Variants in LUZP1 observed in about 807,000 individuals in gnomAD.
The protein encoded by LUZP1 is leucine zipper protein 1.
A neutral mutation model predicts 71.3 loss-of-function variants in LUZP1; 25 were observed. The observed-to-expected ratio is 0.35, with a 90% confidence interval of 0.26 to 0.49. LUZP1 has a LOEUF of 0.49. Ranked by LOEUF, LUZP1 falls within the 20% of genes least tolerant of loss-of-function variation. LUZP1 has a pLI of 0.99. For synonymous variants in LUZP1, 481 were observed against 506.4 expected, an observed-to-expected ratio of 0.95 and a Z score of 0.67; for missense variants, 1,142 against 1,300.8, an observed-to-expected ratio of 0.88 and a Z score of 1.88.
At chr1:23,164,387 C>G (rs1388572374) in intron 2 of LUZP1, among the ~76,000 whole-genome samples, 1 of 151,524 alleles carries the variant, frequency 6.6e-6, no homozygotes, top group Non-Finnish European at 1.5e-5. Context: ...CCCAGCTACT[C>G]GGGAGGCTGA....
chr1:23,090,795 G>A, intron 4 of LUZP1: 1 of 708,720 alleles, frequency 1.4e-6, no homozygotes, highest in Non-Finnish European at 2.6e-6. Flanking sequence ...CTACAGAAAG[G>A]GCACCGGGCC....
At chr1:23,084,299 C>CATT (rs1643723758) in exon 5 of LUZP1, 1 of 152,194 alleles carries the variant, frequency 6.6e-6, no homozygotes, top group Non-Finnish European at 1.5e-5. Flanking sequence ...AGGATCAGTT[C>CATT]ATTTCCTTGC....
chr1:23,142,694 T>TACAC, intron 2 of LUZP1, among the ~76,000 whole-genome samples: 1 of 85,796 alleles, frequency 1.2e-5, no homozygotes, highest in African/African-American at 6.0e-5. Flanking sequence ...AAAATATATA[T>TACAC]ATATATACAC....
At chr1:23,103,401 A>T (rs940177999) in intron 3 of LUZP1, among the ~76,000 whole-genome samples, 1 of 152,170 alleles carries the variant, frequency 6.6e-6, no homozygotes, top group African/African-American at 2.4e-5. Flanking sequence ...TATTTTGGAT[A>T]CGCAAACTCA....
intron 2 of LUZP1, among the ~76,000 whole-genome samples, chr1:23,118,305 C>T (rs897400782): frequency 6.8e-6 from 1 of 146,342 alleles, no homozygotes; most frequent in African/African-American, 2.5e-5. Flanking sequence ...GCTGAGGCAA[C>T]GAGAATTGCT....
intron 2 of LUZP1, among the ~76,000 whole-genome samples, chr1:23,120,512 G>C (rs1193659482): frequency 4.0e-5 from 6 of 151,318 alleles, no homozygotes; most frequent in Admixed American, 4.0e-4. Context: ...AAAATGCCCA[G>C]CTAATTTTTT....
chr1:23,085,014 CAG>C (rs1439901649), exon 5 of LUZP1: 4 of 152,642 alleles, frequency 2.6e-5, no homozygotes, highest in East Asian at 3.8e-4. Context: ...GCAGAGCCAA[CAG>C]AGAGCATTCG....
At chr1:23,086,878 C>G (rs1410556451) in exon 5 of LUZP1, 2 of 152,474 alleles carry the variant, frequency 1.3e-5, no homozygotes, top group East Asian at 3.8e-4. Context: ...CTCTGGGAAG[C>G]AGAAGTATGA....
intron 2 of LUZP1, among the ~76,000 whole-genome samples, chr1:23,116,507 G>C (rs1467211400): frequency 6.6e-6 from 1 of 150,942 alleles, no homozygotes; most frequent in East Asian, 2.0e-4. Context: ...GCAAGACCCT[G>C]CCTCCAAATA....
intron 2 of LUZP1, among the ~76,000 whole-genome samples, chr1:23,146,244 T>C (rs187303325): frequency 3.1e-3 from 471 of 152,268 alleles, no homozygotes; most frequent in Non-Finnish European, 4.8e-3. Context: ...TCTCGATCTC[T>C]TGACCTCATG....
intron 2 of LUZP1, among the ~76,000 whole-genome samples, 189 bp downstream of exon 1, chr1:23,168,577 G>C (rs894319187): frequency 1.3e-5 from 2 of 148,388 alleles, no homozygotes; most frequent in Non-Finnish European, 3.0e-5. Context: ...GTCTCCTCCT[G>C]AGCCCTTCCT....
At chr1:23,168,910 G>A (rs940738672) in exon 2 of LUZP1, 1 of 152,170 alleles carries the variant, frequency 6.6e-6, no homozygotes, top group Non-Finnish European at 1.5e-5. Context: ...CGGGGTCTTT[G>A]TGATGGGCGG....
intron 4 of LUZP1, chr1:23,090,605 T>C: frequency 1.9e-6 from 1 of 532,578 alleles, no homozygotes; most frequent in Non-Finnish European, 3.4e-6. Flanking sequence ...ACTGATAATA[T>C]GAGACAGACA....
exon 5 of LUZP1, chr1:23,085,646 A>C (rs1643753775): frequency 6.6e-6 from 1 of 152,326 alleles, no homozygotes; most frequent in Admixed American, 6.5e-5. Context: ...AGAACACTAT[A>C]GTGCCCCCTG....
At chr1:23,166,794 T>C (rs910702737) in intron 2 of LUZP1, among the ~76,000 whole-genome samples, 7 of 152,134 alleles carry the variant, frequency 4.6e-5, no homozygotes, top group Non-Finnish European at 1.0e-4. Context: ...CTTTTCTTGG[T>C]CTTAAATTAT....
Position 23,092,611 on chromosome 1 carries a change from G to C in LUZP1, c.1651C>G (p.Gln551Glu), listed in dbSNP as rs543649237. ...CCAGAGTTTGCAGCCTGAGTTACTT[G>C]ACTTCCGTTGCCAAGCACGTGTCCC... is the stretch of plus-strand genomic sequence containing the variant. The change falls in exon 4 of 5, where the codon CAA becomes GAA. Residue 551 changes from glutamine (Q) to glutamate (E), a missense_variant. Transcript: ENST00000302291. 1.2e-6 allele frequency: 2 copies of C among 1,614,166 alleles called. No individual in the cohort carries two copies. The highest frequency in any genetic ancestry group is 2.2e-5 in the East Asian group (1 of 44,884).
chr1:23,105,502 A>C (rs1244235871), intron 3 of LUZP1, among the ~76,000 whole-genome samples: 5 of 152,222 alleles, frequency 3.3e-5, no homozygotes, highest in African/African-American at 1.2e-4. Context: ...AGTCATTTGA[A>C]TTCTCTATGC....
At chr1:23,092,167 C>A (rs1643864227) in exon 4 of LUZP1, 2 of 1,614,102 alleles carry the variant, frequency 1.2e-6, no homozygotes, top group Non-Finnish European at 1.7e-6. Flanking sequence ...GTTCTAGGTG[C>A]CCCTCGGGTT....
At chr1:23,153,775 A>C (rs1342237221) in intron 2 of LUZP1, among the ~76,000 whole-genome samples, 1 of 152,146 alleles carries the variant, frequency 6.6e-6, no homozygotes, top group African/African-American at 2.4e-5. Flanking sequence ...CTCTACTAGA[A>C]ATCAAAAATA....
Sources: allele counts gnomAD v4.1 joint callset (sites outside exome capture counted in the v4.1 genomes callset), GRCh38; gene constraint gnomAD v4.1.1; transcripts MANE v1.5; gene names NCBI Gene and HGNC (gene_info 2026-07-23, HGNC 2026-07-21).